TTLL6: variants seen among roughly 807,000 people sequenced by gnomAD.
The protein encoded by TTLL6 is tubulin tyrosine ligase like 6.
Under a neutral mutation model 96.4 loss-of-function variants are expected in TTLL6, and 75 were observed. The ratio of observed to expected loss-of-function variants is 0.78; its 90% CI spans 0.65 to 0.94. The LOEUF (loss-of-function observed/expected upper bound fraction) is 0.94, where lower values mean the gene tolerates loss of function less well. Ranked by LOEUF, TTLL6 falls within the 40% of genes least tolerant of loss-of-function variation. The probability of loss-of-function intolerance (pLI) is 0.00; values close to 1 mark genes in which losing one functional copy is unlikely to be tolerated. For missense variants in TTLL6, 1,030 were observed against 1,093.0 expected, an observed-to-expected ratio of 0.94 and a Z score of 0.81; for synonymous variants, 411 against 419.4, an observed-to-expected ratio of 0.98 and a Z score of 0.24.
At chr17:48,802,496 T>G (rs1038681101) in intron 3 of TTLL6, among the ~76,000 whole-genome samples, 1 of 152,192 alleles carries the variant, frequency 6.6e-6, no homozygotes, top group Admixed American at 6.5e-5. Flanking sequence ...CTCAAATGCC[T>G]TCAAGGGCCT....
At chr17:48,799,900 A>G in intron 5 of TTLL6, 140 bp from the exon 6 acceptor site, 1 of 748,966 alleles carries the variant, frequency 1.3e-6, no homozygotes. Context: ...GAGGTCCAGC[A>G]ATGGGAGAGA....
intron 8 of TTLL6, among the ~76,000 whole-genome samples, chr17:48,792,219 C>T (rs2039239804): frequency 1.3e-5 from 2 of 152,202 alleles, no homozygotes; most frequent in Admixed American, 6.5e-5. Context: ...CAAACGGAGA[C>T]AGCTGGTCAC....
At chr17:48,807,866 T>A (rs147333322) in intron 1 of TTLL6, among the ~76,000 whole-genome samples, 14,453 of 151,664 alleles carry the variant, frequency 0.095, 839 homozygotes, top group Non-Finnish European at 0.13. Context: ...TGAGACGGAG[T>A]CTCGCTCAGT....
At chr17:48,796,643 T>C (rs1257758788) in intron 7 of TTLL6, among the ~76,000 whole-genome samples, 2 of 149,814 alleles carry the variant, frequency 1.3e-5, no homozygotes, top group Non-Finnish European at 3.0e-5. Context: ...GAAACTCCAG[T>C]TCTTTCTGAG....
chr17:48,792,080 G>T (rs899908020), intron 8 of TTLL6, among the ~76,000 whole-genome samples: 2 of 152,104 alleles, frequency 1.3e-5, no homozygotes, highest in African/African-American at 4.8e-5. Context: ...CTTGTTTTAG[G>T]GCTGCCCACA....
At chr17:48,783,703 TA>T (rs1426532819) in intron 13 of TTLL6, among the ~76,000 whole-genome samples, 3 of 152,252 alleles carry the variant, frequency 2.0e-5, no homozygotes, top group African/African-American at 7.2e-5. Flanking sequence ...AGTGCTGGGA[TA>T]ACAGGCATGA....
At position 48,765,149 on chromosome 17, in the gene TTLL6, C is replaced by T. The variant is rs28668699; in HGVS notation, c.*1-2176G>A. Reference sequence around the variant, plus strand: ...GCTCAAGGCCAAGTGCAATGACTCACGTCTGTAATCCCAGAGCTTTGGGAA... The same window carrying T: ...GCTCAAGGCCAAGTGCAATGACTCATGTCTGTAATCCCAGAGCTTTGGGAA... On this transcript the variant is annotated intron_variant, in intron 15 of 15. Coordinates refer to ENST00000393382, the MANE Select transcript of TTLL6 (RefSeq NM_001130918.3). 2.5e-3 allele frequency among the ~76,000 whole-genome samples: 376 copies of T among 152,190 alleles called. 2 individuals are homozygous for T. The highest frequency in any genetic ancestry group is 8.7e-3 in the African/African-American group (362 of 41,510).
At chr17:48,815,209 T>C (rs1418471523) in intron 1 of TTLL6, 2 of 152,250 alleles carry the variant, frequency 1.3e-5, no homozygotes, top group Non-Finnish European at 2.9e-5. Context: ...TTTTCATCTC[T>C]GACCTTCATC....
At position 48,799,729 on chromosome 17, in the gene TTLL6, T is replaced by C; in HGVS notation, c.643A>G (p.Arg215Gly). 1.3e-6 allele frequency: 2 copies of C among 1,551,738 alleles called. No homozygotes were observed. Among genetic ancestry groups the C allele is most frequent in the South Asian group, 2.4e-5 (2 of 84,052 alleles). ...TTACAAATGTATGTCTTATTTTTTC[T>C]TGACCTGCTGTAGGTCTGCAAATCT... ...WGDLQTYSRS[R>G]KNKTYICKPD... The change falls in exon 6 of 16, where the codon AGA becomes GGA. Residue 215 changes from arginine to glycine, a missense_variant. Coordinates refer to ENST00000393382, the MANE Select transcript of TTLL6 (RefSeq NM_001130918.3).
chr17:48,780,669 C>A (rs1342636588), intron 13 of TTLL6, among the ~76,000 whole-genome samples: 1 of 152,168 alleles, frequency 6.6e-6, no homozygotes, highest in Non-Finnish European at 1.5e-5. Flanking sequence ...TCCGCCCAGT[C>A]CCTGGCAACC....
At chr17:48,786,559 G>A (rs2039100165) in intron 11 of TTLL6, among the ~76,000 whole-genome samples, 1 of 152,220 alleles carries the variant, frequency 6.6e-6, no homozygotes, top group Non-Finnish European at 1.5e-5. Context: ...TAGCATCCAA[G>A]GAGAGATGTG....
chr17:48,779,002 TG>T (rs1316308806), intron 13 of TTLL6, among the ~76,000 whole-genome samples: 1 of 148,546 alleles, frequency 6.7e-6, no homozygotes, highest in Non-Finnish European at 1.5e-5. Flanking sequence ...GAGGCTGAGG[TG>T]AAAGGGAGGA....
Position 48,804,934 on chromosome 17 carries a change from G to A in TTLL6, c.161C>T (p.Thr54Ile), listed in dbSNP as rs1369684302. ...SQAREMPQCP[T>I]LESQEGENSE... ...GTTTTCCCCTTCCTGGCTTTCCAAA[G>A]TCGGGCACTGTGGCATCTCCCTGGC... The change falls in exon 2 of 16, where the codon ACT (threonine) becomes ATT (isoleucine). Residue 54 changes from threonine to isoleucine, a missense_variant. Thr to Ile is a moderately conservative substitution (Grantham distance 89, BLOSUM62 -1). Coordinates refer to ENST00000393382, the MANE Select transcript of TTLL6 (RefSeq NM_001130918.3). 1.4e-6 allele frequency: 2 copies of A among 1,470,772 alleles called. No individual in the cohort carries two copies. Among genetic ancestry groups the A allele is most frequent in the East Asian group, 5.0e-5 (2 of 40,188 alleles). The allele number at this position is 1,470,772 out of a possible 1,614,324, so 91.1% of individuals were successfully genotyped here.
chr17:48,785,002 T>A lies in TTLL6; in HGVS notation c.1961A>T (p.Lys654Met). Residue 654 changes from lysine (K) to methionine (M), a missense_variant, in exon 13 of 16, where the codon AAG (lysine) becomes ATG (methionine). Transcript: ENST00000393382. ...DLRNINLSSSKLEPSKPNFSI... is the reference protein window; with the variant it reads ...DLRNINLSSSMLEPSKPNFSI... ...GAAGTTGGGTTTACTGGGCTCCAAC[T>A]TCGAGCTGCTGAGATTGATATTCCT... is the stretch of plus-strand genomic sequence containing the variant. 1 of 1,614,188 alleles carries A rather than the reference T, an allele frequency of 6.2e-7. No homozygotes were observed. The highest frequency in any genetic ancestry group is 8.5e-7 in the Non-Finnish European group (1 of 1,180,030).
chr17:48,805,196 T>C (rs1400567214), intron 1 of TTLL6, among the ~76,000 whole-genome samples: 1 of 152,244 alleles, frequency 6.6e-6, no homozygotes, highest in Non-Finnish European at 1.5e-5. Context: ...CCTTGGAGAC[T>C]CACTCAGCCA....
chr17:48,782,819 T>C, intron 13 of TTLL6, among the ~76,000 whole-genome samples: 1 of 152,136 alleles, frequency 6.6e-6, no homozygotes, highest in Non-Finnish European at 1.5e-5. Context: ...GTTCAAGTGA[T>C]TCTTCCGCCT....
At chr17:48,763,667 G>A (rs535748306) in intron 15 of TTLL6, among the ~76,000 whole-genome samples, 7 of 152,174 alleles carry the variant, frequency 4.6e-5, no homozygotes, top group Non-Finnish European at 1.0e-4. Flanking sequence ...CAGGAACAGT[G>A]GCACACCTGC....
intron 13 of TTLL6, among the ~76,000 whole-genome samples, chr17:48,772,729 C>CAA (rs34457188): frequency 4.0e-4 from 25 of 62,644 alleles, no homozygotes; most frequent in Non-Finnish European, 5.1e-4. Context: ...GACTCCGTCT[C>CAA]AAAAAAAAAA....
intron 8 of TTLL6, among the ~76,000 whole-genome samples, chr17:48,795,674 G>A (rs1236964232): frequency 1.3e-5 from 2 of 152,242 alleles, no homozygotes; most frequent in African/African-American, 4.8e-5. Flanking sequence ...GGGGAACATG[G>A]GCCAAGCAAT....
Sources: gnomAD v4.1 joint callset for allele counts (sites outside exome capture counted in the v4.1 genomes callset) on GRCh38, gnomAD v4.1.1 for gene constraint, MANE v1.5 for transcripts, NCBI Gene and HGNC (gene_info 2026-07-23, HGNC 2026-07-21) for gene names.